The following MACF1 variants were observed in gnomAD, a reference collection of about 807,000 sequenced individuals.
MACF1 encodes the protein microtubule-actin cross-linking factor 1.
Under a neutral mutation model 854.8 loss-of-function variants are expected in MACF1, and 193 were observed. That is an observed-to-expected ratio of 0.23 (90% CI 0.20 to 0.25). The LOEUF is 0.25. Among genes scored for constraint, MACF1 ranks in the 10% least tolerant of loss-of-function variants. The pLI, the probability that MACF1 is intolerant of heterozygous loss-of-function variation, is 1.00. For synonymous variants in MACF1, 3,185 were observed against 3,226.7 expected (o/e 0.99, Z 0.44); for missense variants, 7,722 against 8,929.1 (o/e 0.86, Z 5.45).
intron 2 of MACF1, among the ~76,000 whole-genome samples, chr1:39,107,202 A>G (rs1336787903): frequency 6.6e-6 from 1 of 152,166 alleles, no homozygotes; most frequent in Non-Finnish European, 1.5e-5. Flanking sequence ...AGGTGAAGAA[A>G]TCTCAGCACC....
rs1422227321 is a variant in MACF1 at position 39,102,085 on chromosome 1, A to T, written c.220+17647A>T. On this transcript the variant is annotated intron_variant, in intron 2 of 93. Coordinates refer to the MACF1 transcript ENST00000361689. The stretch of plus-strand genomic sequence containing the variant: ...CAGCTACTCGGGAGGCTGAGGCAGG[A>T]GAATGGCGTGAACCCCGGGGGGCGG... Among the ~76,000 whole-genome samples, 19 of 150,822 alleles carry T rather than the reference A, an allele frequency of 1.3e-4. No individual in the cohort carries two copies. In the Admixed American group the frequency reaches 1.3e-3, roughly 10 times the overall value.
chr1:39,431,817 T>C (rs1189180138), intron 66 of MACF1, among the ~76,000 whole-genome samples: 1 of 151,798 alleles, frequency 6.6e-6, no homozygotes, highest in Non-Finnish European at 1.5e-5. Context: ...TACAGAAATA[T>C]TTAAAAATTA....
intron 34 of MACF1, 29 bp downstream of exon 34, chr1:39,324,374 TG>T (rs997049406): frequency 6.2e-7 from 1 of 1,608,914 alleles, no homozygotes; most frequent in Non-Finnish European, 8.5e-7. Flanking sequence ...TCTGTTTACC[TG>T]GGTAGAATAA....
chr1:39,322,856 T>C (rs1646539506), intron 32 of MACF1, 54 bp from the exon 33 acceptor site: 1 of 1,568,784 alleles, frequency 6.4e-7, no homozygotes, highest in South Asian at 1.1e-5. Context: ...TTTGAACTAT[T>C]TAAATTTCAT....
intron 35 of MACF1, among the ~76,000 whole-genome samples, chr1:39,325,496 A>T (rs1426412861): frequency 6.6e-6 from 1 of 152,236 alleles, no homozygotes; most frequent in African/African-American, 2.4e-5. Context: ...GTCAATATTT[A>T]AAAATGAAAT....
intron 15 of MACF1, 96 bp downstream of exon 15, chr1:39,287,658 G>T: frequency 7.7e-7 from 1 of 1,303,430 alleles, no homozygotes; most frequent in South Asian, 1.3e-5. Flanking sequence ...TCCCTGTGCA[G>T]ATTCCCTTAA....
intron 23 of MACF1, among the ~76,000 whole-genome samples, chr1:39,305,390 A>AT (rs1460860444): frequency 2.6e-5 from 4 of 152,168 alleles, no homozygotes; most frequent in Non-Finnish European, 4.4e-5. Context: ...AAAGTTCCAC[A>AT]TTCCAGAGTC....
At chr1:39,434,884 A>C (rs946370439) in intron 69 of MACF1, among the ~76,000 whole-genome samples, 1 of 152,232 alleles carries the variant, frequency 6.6e-6, no homozygotes, top group Non-Finnish European at 1.5e-5. Flanking sequence ...CTCACTAAAA[A>C]TCAATGGAAT....
At chr1:39,383,876 C>CAA (rs1035247076) in intron 56 of MACF1, among the ~76,000 whole-genome samples, 1 of 139,656 alleles carries the variant, frequency 7.2e-6, no homozygotes. Context: ...GAATCCGTCT[C>CAA]AAAAAAAAAA....
chr1:39,408,529 G>A (rs1303870292), intron 58 of MACF1, among the ~76,000 whole-genome samples: 2 of 152,194 alleles, frequency 1.3e-5, no homozygotes, highest in East Asian at 3.9e-4. Context: ...CCGGCACACG[G>A]GAACTCGAGT....
chr1:39,163,042 G>T (rs947313698), intron 2 of MACF1, among the ~76,000 whole-genome samples: 1 of 152,052 alleles, frequency 6.6e-6, no homozygotes, highest in South Asian at 2.1e-4. Context: ...TCAGTGCCAG[G>T]TTATGACCCT....
At chr1:39,346,913 A>G in intron 40 of MACF1, 64 bp from the exon 41 acceptor site, 1 of 1,070,864 alleles carries the variant, frequency 9.3e-7, no homozygotes, top group African/African-American at 1.6e-5. Flanking sequence ...GGTTTTCTTC[A>G]TGAACTGAGA....
At chr1:39,451,668 T>C (rs574800133) in intron 85 of MACF1, among the ~76,000 whole-genome samples, 1 of 152,252 alleles carries the variant, frequency 6.6e-6, no homozygotes, top group East Asian at 1.9e-4. Flanking sequence ...AGCACAAGCA[T>C]TTAACTTTAC....
At position 39,452,785 on chromosome 1, in the gene MACF1, C is replaced by T; in HGVS notation, c.20715C>T (p.Ala6905=). The T allele has an allele frequency of 6.2e-7, 1 of 1,614,114 alleles. No individual in the cohort carries two copies. The highest frequency in any genetic ancestry group is 8.5e-7 in the Non-Finnish European group (1 of 1,179,998). ...GAGCACTTCCTGATGACACAGAGGC[C>T]CTGCAGTCTCTCATTGACACCCATA... ...FRGALPDDTE[A]LQSLIDTHKE... The change falls in exon 87 of 101, where the codon GCC becomes GCT. Residue 6905 remains alanine, a synonymous_variant. Transcript: ENST00000564288.
At chr1:39,325,721 G>C (rs1646597523) in intron 35 of MACF1, among the ~76,000 whole-genome samples, 2 of 152,186 alleles carry the variant, frequency 1.3e-5, no homozygotes, top group Non-Finnish European at 2.9e-5. Context: ...AGGAGATTAA[G>C]AAAGGTATGG....
chr1:39,411,550 G>A lies in MACF1; in HGVS notation c.15817-10824G>A, dbSNP rs184690499. ...TGTTCTTACAGGTGAGGATATTCTC[G>A]GTGAGGTGGCAAACAGAACTGCTCA... On this transcript the variant is annotated intron_variant, in intron 58 of 100. Coordinates refer to ENST00000564288, the MANE Select transcript of MACF1 (RefSeq NM_001394062.1). The A allele has an allele frequency of 3.0e-5, 49 of 1,613,858 alleles. No individual in the cohort carries two copies. In the East Asian group the frequency reaches 3.3e-4, roughly 11 times the overall value.
At chr1:39,318,287 A>G (rs1397813824) in intron 29 of MACF1, among the ~76,000 whole-genome samples, 166 bp from the exon 30 acceptor site, 1 of 152,224 alleles carries the variant, frequency 6.6e-6, no homozygotes, top group Admixed American at 6.5e-5. Flanking sequence ...GGGCACTGGT[A>G]CATGCATAGG....
intron 95 of MACF1, 98 bp downstream of exon 95, chr1:39,465,210 C>A: frequency 2.4e-6 from 3 of 1,258,288 alleles, no homozygotes; most frequent in Non-Finnish European, 3.5e-6. Context: ...TAATCTGAAG[C>A]ATGCCTGGGT....
intron 21 of MACF1, 93 bp downstream of exon 21, chr1:39,297,838 A>G (rs145013475): frequency 4.9e-6 from 7 of 1,436,084 alleles, no homozygotes; most frequent in African/African-American, 1.4e-5. Flanking sequence ...CTCCAGGGCA[A>G]TGGGCCATTG....
Sources: allele counts gnomAD v4.1 joint callset (sites outside exome capture counted in the v4.1 genomes callset), GRCh38; gene constraint gnomAD v4.1.1; transcripts MANE v1.5; gene names NCBI Gene and HGNC (gene_info 2026-07-23, HGNC 2026-07-21).